NLGN2: variants seen among roughly 807,000 people sequenced by gnomAD.
NLGN2 encodes the protein neuroligin-2.
NLGN2 carries 11 observed loss-of-function variants against 48.6 expected under a neutral mutation model. The observed-to-expected ratio is 0.23, with a 90% CI of 0.14 to 0.37. NLGN2 has a LOEUF of 0.37. Ranked by LOEUF, NLGN2 falls within the 10% of genes least tolerant of loss-of-function variation. The pLI is 1.00. For synonymous variants in NLGN2, 548 were observed against 550.0 expected (o/e 1.00, Z 0.05); for missense variants, 801 against 1,225.2 (o/e 0.65, Z 5.17).
Position 7,417,213 on chromosome 17 carries a change from G to A in NLGN2, c.1922G>A (p.Arg641His), listed in dbSNP as rs559558140. 38 of 1,534,240 alleles carry A rather than the reference G, an allele frequency of 2.5e-5. No individual in the cohort carries two copies. The highest frequency in any genetic ancestry group is 3.1e-5 in the Non-Finnish European group (35 of 1,143,682). The change falls in exon 7 of 7, where the codon CGC (arginine) becomes CAC (histidine). Residue 641 changes from arginine to histidine, a missense_variant. Around this residue, in one of 5 missense-constraint regions of NLGN2, gnomAD observed 276 missense variants for 313.9 expected, o/e 0.88. Coordinates refer to ENST00000302926, the MANE Select transcript of NLGN2 (RefSeq NM_020795.4). ...PRPPAGAPGT[R>H]RPPPPATLPP... ...CCCCCCGCTGGCGCCCCGGGCACAC[G>A]CCGGCCCCCGCCGCCTGCCACCCTG...
At chr17:7,410,958 C>T (rs552659760) in intron 1 of NLGN2, among the ~76,000 whole-genome samples, 4 of 152,216 alleles carry the variant, frequency 2.6e-5, no homozygotes, top group Non-Finnish European at 5.9e-5. Flanking sequence ...TTAGGAGACG[C>T]CTTCCAGAGC....
Position 7,413,130 on chromosome 17 carries a change from G to C in NLGN2, c.508+923G>C, listed in dbSNP as rs1220669721. 6.6e-6 allele frequency among the ~76,000 whole-genome samples: 1 copy of C among 152,226 alleles called. No homozygotes were observed. Among genetic ancestry groups the C allele is most frequent in the Non-Finnish European group, 1.5e-5 (1 of 68,046 alleles). ...ACTTGAGGTTCAGGAGCAAAGGAGA[G>C]GACAGGATTTGAGGAGAACCCAGCG... On this transcript the variant is annotated intron_variant, in intron 2 of 6. Transcript: ENST00000302926. This position sits in a 1 kb window ranked among gnomAD's most constrained non-coding sequence, Gnocchi z 4.9.
rs1348688076 is a variant in NLGN2, at chr17:7,413,503, C to G, written c.509-841C>G. Among the ~76,000 whole-genome samples the G allele has an allele frequency of 2.0e-5, 3 of 152,146 alleles. No homozygotes were observed. The highest frequency in any genetic ancestry group is 7.2e-5 in the African/African-American group (3 of 41,420). On this transcript the variant is annotated intron_variant, in intron 2 of 6. Transcript: ENST00000302926. The surrounding 1 kb of genome is among the most constrained non-coding windows in gnomAD (Gnocchi z 4.9). ...GAGCTGCAGGGGAGGATACTGTAGC[C>G]TCGGGGACCCTGGCAAGCACTCTCA...
Position 7,414,327 on chromosome 17 carries a change from C to A in NLGN2, c.509-17C>A. The A allele has an allele frequency of 7.4e-7, 1 of 1,358,986 alleles. No homozygotes were observed. Among genetic ancestry groups the A allele is most frequent in the Non-Finnish European group, 9.7e-7 (1 of 1,028,918 alleles). 84.2% of individuals were successfully genotyped at this position (1,358,986 alleles called of 1,614,324 possible). A position where few individuals can be genotyped will look rare whatever the true frequency, so the allele number is the denominator to read the frequency against. ...TCCCTGACCCCCTGGCCCACCTGCC[C>A]ACCCCTCCCCACACAGATATCCGTG... On this transcript the variant is annotated splice_polypyrimidine_tract_variant and intron_variant, in intron 2 of 6. Transcript: ENST00000302926.
intron 2 of NLGN2, among the ~76,000 whole-genome samples, chr17:7,412,785 A>C (rs985490878): frequency 7.9e-5 from 12 of 152,084 alleles, no homozygotes; most frequent in African/African-American, 2.9e-4. Flanking sequence ...TTTTGAAAAA[A>C]AAATGCAAAG....
chr17:7,417,024 A>G lies in NLGN2; in HGVS notation c.1733A>G (p.Lys578Arg), dbSNP rs1219881110. 1.2e-6 allele frequency: 2 copies of G among 1,614,198 alleles called. No homozygotes were observed. Among genetic ancestry groups the G allele is most frequent in the South Asian group, 1.1e-5 (1 of 91,088 alleles). Residue 578 changes from lysine to arginine, a missense_variant, in exon 7 of 7, where the codon AAG (lysine) becomes AGG (arginine). Lys to Arg is a conservative substitution (Grantham distance 26). Coordinates refer to ENST00000302926, the MANE Select transcript of NLGN2 (RefSeq NM_020795.4). ...VVWSKFNSKE[K>R]QYLHIGLKPR... ...TGGAGCAAATTCAACAGCAAGGAGA[A>G]GCAGTATCTGCACATAGGCCTGAAG... is the stretch of plus-strand genomic sequence containing the variant.
In NLGN2 at chr17:7,415,883, G is replaced by T. The variant is rs1430720046; in HGVS notation, c.1410G>T (p.Leu470=). The change falls in exon 6 of 7, where the codon CTG becomes CTT. Residue 470 remains leucine, a synonymous_variant. Coordinates refer to ENST00000302926, the MANE Select transcript of NLGN2 (RefSeq NM_020795.4). ...WVAPAVATAK[L]HADYQSPVYF... ...CACCAGCTGTGGCCACTGCCAAGCTGCACGCCGACTACCAGTCTCCCGTCT... is the reference window on the plus strand; with the variant it reads ...CACCAGCTGTGGCCACTGCCAAGCTTCACGCCGACTACCAGTCTCCCGTCT... 6.2e-7 allele frequency: 1 copy of T among 1,610,370 alleles called. No homozygotes were observed. Among genetic ancestry groups the T allele is most frequent in the African/African-American group, 1.3e-5 (1 of 74,902 alleles).
intron 1 of NLGN2, among the ~76,000 whole-genome samples, chr17:7,410,139 C>T (rs1475705902): frequency 1.3e-5 from 2 of 151,890 alleles, no homozygotes; most frequent in Non-Finnish European, 2.9e-5. Context: ...ACCCTACTCA[C>T]CAAACAAGTA....
Position 7,417,922 on chromosome 17 carries a change from A to G in NLGN2, c.*123A>G, listed in dbSNP as rs1907208908. 2.3e-6 allele frequency: 2 copies of G among 884,434 alleles called. No homozygotes were observed. The highest frequency in any genetic ancestry group is 3.0e-6 in the Non-Finnish European group (2 of 660,926). 54.8% of individuals were successfully genotyped at this position (884,434 alleles called of 1,614,324 possible). On this transcript the variant is annotated 3_prime_UTR_variant, in exon 7 of 7. Transcript: ENST00000302926. ...CGTCACACGCCATCCAGCAGCGCTA[A>G]GGTGGACATGGGATTCCTCCCTGCG... is the stretch of plus-strand genomic sequence containing the variant.
upstream of NLGN2, among the ~76,000 whole-genome samples, chr17:7,407,455 A>G (rs1906691860): frequency 1.3e-5 from 2 of 152,224 alleles, no homozygotes; most frequent in Non-Finnish European, 2.9e-5. Flanking sequence ...AGGTTTGTGC[A>G]GTCCCAAGAA....
intron 1 of NLGN2, 44 bp from the exon 2 acceptor site, chr17:7,412,113 C>A (rs368524064): frequency 3.3e-6 from 5 of 1,525,932 alleles, no homozygotes; most frequent in Non-Finnish European, 4.5e-6. Flanking sequence ...CATCTTTCCC[C>A]ACAAAATTGT....
Position 7,415,938 on chromosome 17 carries a change from G to A in NLGN2, c.1465G>A (p.Ala489Thr). 1 of 1,613,944 alleles carries A rather than the reference G, an allele frequency of 6.2e-7. No individual in the cohort carries two copies. Among genetic ancestry groups the A allele is most frequent in the Non-Finnish European group, 8.5e-7 (1 of 1,179,908 alleles). Reference protein sequence around the residue: ...YFYTFYHHCQAEGRPEWADAA... With the variant: ...YFYTFYHHCQTEGRPEWADAA... ...TTACACCTTCTACCACCACTGCCAG[G>A]CGGAGGGCCGGCCTGAGTGGGCAGA... Residue 489 changes from alanine to threonine, a missense_variant, in exon 6 of 7, where the codon GCG becomes ACG. Physicochemically the swap from Ala to Thr is moderately conservative, Grantham distance 58. Coordinates refer to ENST00000302926, the MANE Select transcript of NLGN2 (RefSeq NM_020795.4).
chr17:7,407,384 G>C (rs151094208), upstream of NLGN2, among the ~76,000 whole-genome samples: 1 of 152,340 alleles, frequency 6.6e-6, no homozygotes, highest in East Asian at 1.9e-4. Flanking sequence ...TCTGGGGAGA[G>C]AGGGGTCGCA....
Position 7,407,991 on chromosome 17 carries a change from C to T in NLGN2, c.-265C>T. On this transcript the variant is annotated 5_prime_UTR_variant, in exon 1 of 7. Transcript: ENST00000302926. Reference sequence around the variant, plus strand: ...CTGTCTGTATCCTGCCTCCCTGCCCCTCTCGCTCCACCCCCCGCAGGTCGG... The same window carrying T: ...CTGTCTGTATCCTGCCTCCCTGCCCTTCTCGCTCCACCCCCCGCAGGTCGG... The T allele has an allele frequency of 3.0e-6, 1 of 333,310 alleles. No individual in the cohort carries two copies. Among genetic ancestry groups the T allele is most frequent in the South Asian group, 1.2e-4 (1 of 8,446 alleles). 20.6% of individuals were successfully genotyped at this position (333,310 alleles called of 1,614,324 possible).
In NLGN2 at chr17:7,411,900, C is replaced by G. The variant is rs2285480; in HGVS notation, c.458-257C>G. On this transcript the variant is annotated intron_variant, in intron 1 of 6. Transcript: ENST00000302926. The surrounding 1 kb of genome is among the most constrained non-coding windows in gnomAD (Gnocchi z 4.5). ...CAGCCCACTCAGGCACCCCACCCCC[C>G]CAAAACCAGCCTTTTCTTTGGGGCA... Among the ~76,000 whole-genome samples, 30 of 152,240 alleles carry G rather than the reference C, an allele frequency of 2.0e-4. No homozygotes were observed. The highest frequency in any genetic ancestry group is 3.4e-3 in the Middle Eastern group (1 of 294).
chr17:7,405,082 C>A (rs1374932846), upstream of NLGN2: 1 of 152,302 alleles, frequency 6.6e-6, no homozygotes, highest in Non-Finnish European at 1.5e-5. This position sits in a 1 kb window ranked among gnomAD's most constrained non-coding sequence, Gnocchi z 6.8. Flanking sequence ...CTCCCGCCCT[C>A]CTCTGACTCC....
At chr17:7,414,618 G>T (rs941252761) in intron 3 of NLGN2, 45 bp from the exon 4 acceptor site, 2 of 1,612,388 alleles carry the variant, frequency 1.2e-6, no homozygotes, top group South Asian at 2.2e-5. Context: ...AGGGGGCAGG[G>T]GCGCTGTGAC....
chr17:7,406,669 C>T (rs1228487921), upstream of NLGN2, among the ~76,000 whole-genome samples: 11 of 148,042 alleles, frequency 7.4e-5, no homozygotes, highest in African/African-American at 2.7e-4. Flanking sequence ...GGGGGCTTGC[C>T]GAAATGACCT....
At chr17:7,406,711 C>T (rs1409938721), upstream of NLGN2, among the ~76,000 whole-genome samples, 1 of 151,794 alleles carries the variant, frequency 6.6e-6, no homozygotes, top group African/African-American at 2.4e-5. Context: ...GATCTTCTCC[C>T]TTGGCTGGCC....
Sources: gnomAD v4.1 joint callset for allele counts (sites outside exome capture counted in the v4.1 genomes callset) on GRCh38, gnomAD v4.1.1 for gene constraint, gnomAD v4.1.1 regional missense constraint, Gnocchi (gnomAD v3.1) non-coding constraint, MANE v1.5 for transcripts, NCBI Gene and HGNC (gene_info 2026-07-23, HGNC 2026-07-21) for gene names.